CLUAP1: variants seen among roughly 807,000 people sequenced by gnomAD.
The protein encoded by CLUAP1 is clusterin-associated protein 1.
Under a neutral mutation model 55.0 loss-of-function variants are expected in CLUAP1, and 50 were observed. The ratio of observed to expected loss-of-function variants is 0.91; its 90% CI spans 0.72 to 1.15. CLUAP1 has a LOEUF of 1.15. CLUAP1 is among the 50% of genes most tolerant of loss of function. The pLI, the probability that CLUAP1 is intolerant of heterozygous loss-of-function variation, is 0.00. For missense variants in CLUAP1, 530 were observed against 507.6 expected (o/e 1.04, Z -0.42); for synonymous variants, 195 against 175.4 (o/e 1.11, Z -0.88).
chr16:3,512,815 G>T (rs1225344631), intron 5 of CLUAP1, among the ~76,000 whole-genome samples: 1 of 152,046 alleles, frequency 6.6e-6, no homozygotes, highest in Non-Finnish European at 1.5e-5. Flanking sequence ...CAAGTAGCTG[G>T]GACTACAGGT....
intron 6 of CLUAP1, among the ~76,000 whole-genome samples, chr16:3,517,848 C>T (rs1238513887): frequency 2.6e-5 from 4 of 152,146 alleles, no homozygotes; most frequent in East Asian, 3.8e-4. Flanking sequence ...CCTGTATGCT[C>T]CCAGAGTGAA....
In CLUAP1 at chr16:3,536,278, T is replaced by C; in HGVS notation, c.*7T>C. 1.1e-5 allele frequency: 17 copies of C among 1,613,582 alleles called. No homozygotes were observed. The highest frequency in any genetic ancestry group is 1.4e-5 in the Non-Finnish European group (17 of 1,179,696). Reference sequence around the variant, plus strand: ...GAGTGACAATGACTTCTGACCCTTTTGCCAAGGGACCCTGGCAGATTAAAA... The same window carrying C: ...GAGTGACAATGACTTCTGACCCTTTCGCCAAGGGACCCTGGCAGATTAAAA... On this transcript the variant is annotated 3_prime_UTR_variant, in exon 12 of 12. Coordinates refer to ENST00000576634, the MANE Select transcript of CLUAP1 (RefSeq NM_015041.3).
At chr16:3,501,225 C>A in intron 1 of CLUAP1, 136 bp downstream of exon 1, 1 of 853,650 alleles carries the variant, frequency 1.2e-6, no homozygotes, top group Non-Finnish European at 1.8e-6. Flanking sequence ...GCCTCAGGGA[C>A]CGCCTGACCC....
intron 1 of CLUAP1, 120 bp downstream of exon 1, chr16:3,501,209 C>A: frequency 1.9e-6 from 2 of 1,069,698 alleles, no homozygotes; most frequent in Non-Finnish European, 2.7e-6. Context: ...CCTTTCGGGC[C>A]TCTGCGCCTC....
chr16:3,521,246 C>A (rs1275424399), intron 7 of CLUAP1, among the ~76,000 whole-genome samples: 1 of 151,454 alleles, frequency 6.6e-6, no homozygotes, highest in Non-Finnish European at 1.5e-5. Flanking sequence ...AGCATCAATT[C>A]ATTTTTGTTA....
Position 3,536,198 on chromosome 16 carries a change from C to A in CLUAP1, c.1169C>A (p.Ser390Tyr), listed in dbSNP as rs373508467. 4.3e-6 allele frequency: 7 copies of A among 1,614,042 alleles called. No individual in the cohort carries two copies. In the African/African-American group the frequency reaches 6.7e-5, roughly 15 times the overall value. Residue 390 changes from serine (S) to tyrosine (Y), a missense_variant, in exon 12 of 12, where the codon TCT becomes TAT. Physicochemically the swap from Ser to Tyr is moderately radical, Grantham distance 144. Transcript: ENST00000576634. ...GACGATTTGGAAGACGAGAGCATTT[C>A]TCTCTCACCAACCAAGCCCAATCGA... is the stretch of plus-strand genomic sequence containing the variant. ...EDDDLEDESI[S>Y]LSPTKPNRRV...
intron 8 of CLUAP1, among the ~76,000 whole-genome samples, chr16:3,523,650 C>T (rs2037882834): frequency 6.6e-6 from 1 of 152,176 alleles, no homozygotes; most frequent in Admixed American, 6.5e-5. Flanking sequence ...TTTTTAAGTG[C>T]ATTTTATTTT....
Position 3,533,237 on chromosome 16 carries a change from G to A in CLUAP1, c.1092+396G>A. Reference sequence around the variant, plus strand: ...CAGCCAGGGGCCTCTCCCTAGGAGTGATGCTTCCTCTCTCCTGGGCAAAAA... The same window carrying A: ...CAGCCAGGGGCCTCTCCCTAGGAGTAATGCTTCCTCTCTCCTGGGCAAAAA... On this transcript the variant is annotated intron_variant, in intron 11 of 11. Coordinates refer to ENST00000576634, the MANE Select transcript of CLUAP1 (RefSeq NM_015041.3). The A allele has an allele frequency of 1.2e-5, 13 of 1,100,370 alleles. No individual in the cohort carries two copies. The South Asian group carries it at 1.7e-4, about 15-fold the overall frequency. 68.2% of individuals were successfully genotyped at this position (1,100,370 alleles called of 1,614,324 possible).
intron 4 of CLUAP1, among the ~76,000 whole-genome samples, chr16:3,511,785 G>A (rs1406711801): frequency 1.3e-5 from 2 of 152,200 alleles, no homozygotes; most frequent in Non-Finnish European, 2.9e-5. Flanking sequence ...CTGAGCGTGT[G>A]TCCCGCAGCC....
intron 11 of CLUAP1, chr16:3,535,870 G>T: frequency 2.0e-6 from 1 of 488,926 alleles, no homozygotes; most frequent in South Asian, 2.5e-5. Flanking sequence ...AGACGCTGCG[G>T]GAAAGCCAGC....
upstream of CLUAP1, chr16:3,496,254 C>G: frequency 1.5e-6 from 1 of 686,718 alleles, no homozygotes; most frequent in Non-Finnish European, 2.7e-6. Flanking sequence ...GCAAAGAGCC[C>G]AAGAGCCAGG....
rs2038261211 is a variant in CLUAP1, at chr16:3,537,747, C to T, written c.*1476C>T. The T allele has an allele frequency of 6.6e-6, 1 of 152,040 alleles. No individual in the cohort carries two copies. The highest frequency in any genetic ancestry group is 2.4e-5 in the African/African-American group (1 of 41,372). 9.4% of individuals were successfully genotyped at this position (152,040 alleles called of 1,614,324 possible). A position where few individuals can be genotyped will look rare whatever the true frequency, so the allele number is the denominator to read the frequency against. On this transcript the variant is annotated 3_prime_UTR_variant, in exon 12 of 12. Coordinates refer to ENST00000576634, the MANE Select transcript of CLUAP1 (RefSeq NM_015041.3). ...GGCGTGGTGGCTCATGCCTGTAATC[C>T]TAGCACTTTGAGAGGCTGAGGTGGG...
At chr16:3,527,044 G>A (rs763095357) in intron 9 of CLUAP1, among the ~76,000 whole-genome samples, 14 of 152,106 alleles carry the variant, frequency 9.2e-5, no homozygotes, top group Admixed American at 8.5e-4. Flanking sequence ...ACAGGGTTAC[G>A]TCCATGCAAA....
rs201125740 is a variant in CLUAP1 at position 3,522,065 on chromosome 16, C to CA, written c.714-1084dup. 1.2e-3 allele frequency among the ~76,000 whole-genome samples: 185 copies of CA among 150,636 alleles called. 2 individuals are homozygous for CA. The highest frequency in any genetic ancestry group is 3.7e-3 in the African/African-American group (154 of 41,104). On this transcript the variant is annotated intron_variant, in intron 7 of 11. Transcript: ENST00000576634. The stretch of plus-strand genomic sequence containing the variant: ...CAAAGTGAGACCCTGTCTCAACAAA[C>CA]AAAAAAAAACCACCAGCCTTAATTC...
chr16:3,531,801 A>G (rs930053987), intron 10 of CLUAP1, among the ~76,000 whole-genome samples: 21 of 151,584 alleles, frequency 1.4e-4, no homozygotes, highest in South Asian at 4.2e-4. Context: ...ATTAAGTACA[A>G]TTGGAACTCT....
At chr16:3,507,495 G>T (rs2151043925) in intron 3 of CLUAP1, among the ~76,000 whole-genome samples, 1 of 151,660 alleles carries the variant, frequency 6.6e-6, no homozygotes, top group Non-Finnish European at 1.5e-5. Context: ...GGGAGGTTGA[G>T]GCTGCAGTGA....
intron 1 of CLUAP1, among the ~76,000 whole-genome samples, chr16:3,503,006 C>G (rs1052049972): frequency 6.6e-6 from 1 of 152,070 alleles, no homozygotes; most frequent in African/African-American, 2.4e-5. Flanking sequence ...TTTTTTGAGA[C>G]AGTCTTGCTC....
At position 3,526,448 on chromosome 16, in the gene CLUAP1, C is replaced by T; in HGVS notation, c.892C>T (p.Leu298Phe). The T allele has an allele frequency of 6.2e-7, 1 of 1,609,420 alleles. No individual in the cohort carries two copies. Among genetic ancestry groups the T allele is most frequent in the Non-Finnish European group, 8.5e-7 (1 of 1,178,802 alleles). Residue 298 changes from leucine (L) to phenylalanine (F), a missense_variant, in exon 9 of 12, where the codon CTC becomes TTC. Transcript: ENST00000576634. ...CACTCTCTGCCTGATACAGAACAAG[C>T]TCAAGGAGGAAGAGAAGCGCCTGCT... ...KNTLCLIQNKLKEEEKRLLKS... is the reference protein window; with the variant it reads ...KNTLCLIQNKFKEEEKRLLKS...
chr16:3,533,055 T>C, intron 11 of CLUAP1: 1 of 1,510,180 alleles, frequency 6.6e-7, no homozygotes, highest in South Asian at 1.2e-5. Flanking sequence ...CTTGCTCTGC[T>C]TTTTTTGCCT....
Sources: allele counts gnomAD v4.1 joint callset (sites outside exome capture counted in the v4.1 genomes callset), GRCh38; gene constraint gnomAD v4.1.1; transcripts MANE v1.5; gene names NCBI Gene and HGNC (gene_info 2026-07-23, HGNC 2026-07-21).